The following TRPC6 variants were observed in gnomAD, a reference collection of about 807,000 sequenced individuals.
The protein encoded by TRPC6 is short transient receptor potential channel 6.
In TRPC6, 55 loss-of-function variants were observed where a neutral mutation model predicts 90.7. The ratio of observed to expected loss-of-function variants is 0.61; its 90% CI spans 0.49 to 0.76. The LOEUF (loss-of-function observed/expected upper bound fraction) is 0.76. Among genes scored for constraint, TRPC6 ranks in the 30% least tolerant of loss-of-function variants. The probability of loss-of-function intolerance (pLI) is 0.00; values close to 1 mark genes in which losing one functional copy is unlikely to be tolerated. For missense variants in TRPC6, 989 were observed against 1,122.7 expected (o/e 0.88, Z 1.70); for synonymous variants, 393 against 393.0 (o/e 1.00, Z 0.00).
At chr11:101,569,078 G>A (rs1025454719) in intron 1 of TRPC6, among the ~76,000 whole-genome samples, 1 of 152,004 alleles carries the variant, frequency 6.6e-6, no homozygotes, top group African/African-American at 2.4e-5. Context: ...GTTGGATGAA[G>A]AGTCAAGACA....
chr11:101,469,508 A>AAGAT lies in TRPC6; in HGVS notation c.2410-11_2410-8dup, dbSNP rs767609457. The AAGAT allele has an allele frequency of 5.3e-6, 4 of 754,094 alleles. No individual in the cohort carries two copies. Among genetic ancestry groups the AAGAT allele is most frequent in the East Asian group, 4.9e-5 (2 of 40,628 alleles). 46.7% of individuals were successfully genotyped at this position (754,094 alleles called of 1,614,324 possible). A position where few individuals can be genotyped will look rare whatever the true frequency, so the allele number is the denominator to read the frequency against. The stretch of plus-strand genomic sequence containing the variant: ...GTTTCTTTTCTTCATTTATCTTTTA[A>AAGAT]AGATAGATAGTAAAATGAGTATAAC... On this transcript the variant is annotated splice_polypyrimidine_tract_variant and splice_region_variant and intron_variant, in intron 9 of 12. Coordinates refer to ENST00000344327, the MANE Select transcript of TRPC6 (RefSeq NM_004621.6).
chr11:101,468,601 A>G (rs150421974), intron 10 of TRPC6, among the ~76,000 whole-genome samples: 1 of 152,282 alleles, frequency 6.6e-6, no homozygotes, highest in East Asian at 1.9e-4. Flanking sequence ...TTACTCCTAC[A>G]TGCCTGAAAA....
At chr11:101,498,350 C>G (rs528514800) in intron 2 of TRPC6, among the ~76,000 whole-genome samples, 10 of 152,096 alleles carry the variant, frequency 6.6e-5, no homozygotes, top group Non-Finnish European at 7.4e-5. Context: ...AATGTTTTCT[C>G]CCATTTTCTT....
chr11:101,529,192 G>C (rs1565231157), intron 1 of TRPC6, among the ~76,000 whole-genome samples: 1 of 152,174 alleles, frequency 6.6e-6, no homozygotes, highest in Non-Finnish European at 1.5e-5. Context: ...AGCCTAGAAA[G>C]ATCAGAAAGG....
chr11:101,488,794 G>C, intron 4 of TRPC6, 143 bp downstream of exon 4: 1 of 888,102 alleles, frequency 1.1e-6, no homozygotes, highest in Non-Finnish European at 1.7e-6. Flanking sequence ...ACCCAAACAG[G>C]AATTATTTTG....
chr11:101,559,362 C>A (rs1258382910), intron 1 of TRPC6, among the ~76,000 whole-genome samples: 2 of 152,106 alleles, frequency 1.3e-5, no homozygotes, highest in Admixed American at 6.6e-5. Context: ...TAAAATTAGA[C>A]AATTATAAAT....
At chr11:101,530,253 C>T (rs1434461078) in intron 1 of TRPC6, among the ~76,000 whole-genome samples, 3 of 152,088 alleles carry the variant, frequency 2.0e-5, no homozygotes, top group Admixed American at 6.6e-5. Flanking sequence ...TGAATGCAGT[C>T]CTGCCCACCC....
Position 101,564,386 on chromosome 11 carries a change from A to G in TRPC6, c.170+18948T>C, listed in dbSNP as rs556740612. Among the ~76,000 whole-genome samples the G allele has an allele frequency of 3.9e-5, 6 of 152,284 alleles. 1 individual carries two copies. In the South Asian group the frequency reaches 1.2e-3, roughly 32 times the overall value. The stretch of plus-strand genomic sequence containing the variant: ...TTTTTCCATGGAATTTTTGAGCTTT[A>G]CTATACAATCTTATGCTAATAGTGG... On this transcript the variant is annotated intron_variant, in intron 1 of 12. Coordinates refer to ENST00000344327, the MANE Select transcript of TRPC6 (RefSeq NM_004621.6).
chr11:101,492,060 C>T (rs1031521472), intron 2 of TRPC6, among the ~76,000 whole-genome samples: 2 of 151,782 alleles, frequency 1.3e-5, no homozygotes, highest in African/African-American at 4.8e-5. Context: ...AGGATGGTTT[C>T]GATCTCCTGA....
intron 1 of TRPC6, among the ~76,000 whole-genome samples, chr11:101,576,843 G>C: frequency 6.6e-6 from 1 of 152,150 alleles, no homozygotes; most frequent in East Asian, 1.9e-4. Flanking sequence ...CAAACATTTT[G>C]TTACAGAATA....
At chr11:101,469,550 C>T in intron 9 of TRPC6, 49 bp from the exon 10 acceptor site, 1 of 703,040 alleles carries the variant, frequency 1.4e-6, no homozygotes, top group South Asian at 1.5e-5. Flanking sequence ...ACCAATTTCA[C>T]TCTTCATTCT....
intron 1 of TRPC6, among the ~76,000 whole-genome samples, chr11:101,506,965 T>A (rs1860282952): frequency 6.6e-6 from 1 of 150,578 alleles, no homozygotes; most frequent in Non-Finnish European, 1.5e-5. Context: ...ACCTATGGAC[T>A]TCCCATTACA....
At chr11:101,579,946 C>A (rs1368543323) in intron 1 of TRPC6, among the ~76,000 whole-genome samples, 1 of 152,088 alleles carries the variant, frequency 6.6e-6, no homozygotes, top group East Asian at 1.9e-4. Context: ...AATCTATACT[C>A]GCTTTTAATG....
Position 101,455,070 on chromosome 11 carries a change from C to G in TRPC6, c.2516G>C (p.Ser839Thr). Reference sequence around the variant, plus strand: ...ACTATTTAGATGGAAATCTTCTGAGCTCCTTATACTTGGTTGTTTATTGTG... The same window carrying G: ...ACTATTTAGATGGAAATCTTCTGAGGTCCTTATACTTGGTTGTTTATTGTG... ...VGHNKQPSIR[S>T]SEDFHLNSFN... is the part of the protein sequence containing the mutation. Residue 839 changes from serine to threonine, a missense_variant, in exon 11 of 13, where the codon AGC (serine) becomes ACC (threonine). Physicochemically the swap from Ser to Thr is moderately conservative, Grantham distance 58. Transcript: ENST00000344327. 6.2e-7 allele frequency: 1 copy of G among 1,612,414 alleles called. No individual in the cohort carries two copies. The highest frequency in any genetic ancestry group is 1.1e-5 in the South Asian group (1 of 91,030).
chr11:101,536,408 C>A (rs866726324), intron 1 of TRPC6, among the ~76,000 whole-genome samples: 4 of 114,140 alleles, frequency 3.5e-5, no homozygotes, highest in South Asian at 3.1e-4. Context: ...CTCCCCCCCA[C>A]CAAAAAAAAA....
Position 101,452,799 on chromosome 11 carries a change from A to AAAT in TRPC6, c.*153_*155dup. On this transcript the variant is annotated 3_prime_UTR_variant, in exon 13 of 13. Transcript: ENST00000344327. ...GAACAATGGAGTTTAATCACCAAAA[A>AAAT]AATTAGATACTAGGGCTCCAGATGA... 1 of 805,288 alleles carries AAAT rather than the reference A, an allele frequency of 1.2e-6. No homozygotes were observed. Among genetic ancestry groups the AAAT allele is most frequent in the East Asian group, 2.6e-5 (1 of 38,466 alleles). 49.9% of individuals were successfully genotyped at this position (805,288 alleles called of 1,614,324 possible). A position where few individuals can be genotyped will look rare whatever the true frequency, so the allele number is the denominator to read the frequency against.
At chr11:101,487,982 T>C (rs1859715769) in intron 4 of TRPC6, among the ~76,000 whole-genome samples, 3 of 152,308 alleles carry the variant, frequency 2.0e-5, no homozygotes, top group Middle Eastern at 6.8e-3. Context: ...GTAATGGTGA[T>C]GTTTGTGTTT....
At chr11:101,570,222 C>T (rs570977785) in intron 1 of TRPC6, among the ~76,000 whole-genome samples, 49 of 152,184 alleles carry the variant, frequency 3.2e-4, no homozygotes, top group African/African-American at 1.2e-3. Flanking sequence ...ATACAAACTA[C>T]CATCAGAGAA....
At chr11:101,462,920 A>G (rs11224771) in intron 10 of TRPC6, among the ~76,000 whole-genome samples, 46,709 of 152,054 alleles carry the variant, frequency 0.31, 9,285 homozygotes, top group African/African-American at 0.57. Flanking sequence ...GTTTTTGCCC[A>G]TTCAGTATGA....
Sources: allele counts gnomAD v4.1 joint callset (sites outside exome capture counted in the v4.1 genomes callset), GRCh38; gene constraint gnomAD v4.1.1; transcripts MANE v1.5; gene names NCBI Gene and HGNC (gene_info 2026-07-23, HGNC 2026-07-21).